Variants in LRRTM4 observed in about 807,000 individuals in gnomAD.
LRRTM4 encodes leucine rich repeat transmembrane neuronal 4.
LRRTM4 carries 25 observed loss-of-function variants against 47.6 expected under a neutral mutation model. The ratio of observed to expected loss-of-function variants is 0.53; its 90% CI spans 0.38 to 0.73. The LOEUF (loss-of-function observed/expected upper bound fraction) is 0.73, where lower values mean the gene tolerates loss of function less well. Among genes scored for constraint, LRRTM4 ranks in the 30% least tolerant of loss-of-function variants. The pLI, the probability that LRRTM4 is intolerant of heterozygous loss-of-function variation, is 0.00. For synonymous variants in LRRTM4, 311 were observed against 269.5 expected (o/e 1.15, Z -1.51); for missense variants, 638 against 713.4 (o/e 0.89, Z 1.20).
intron 3 of LRRTM4, among the ~76,000 whole-genome samples, chr2:77,324,195 T>C (rs1670665248): frequency 6.6e-6 from 1 of 152,140 alleles, no homozygotes; most frequent in African/African-American, 2.4e-5. Flanking sequence ...TTTGACTTTA[T>C]TGATATTTTT....
At chr2:77,342,713 T>G (rs928666848) in intron 3 of LRRTM4, among the ~76,000 whole-genome samples, 2 of 151,862 alleles carry the variant, frequency 1.3e-5, no homozygotes, top group Admixed American at 6.6e-5. Flanking sequence ...AGCTAGATGG[T>G]GTAGGTTGTT....
chr2:77,349,662 A>T (rs1199642478), intron 3 of LRRTM4, among the ~76,000 whole-genome samples: 1 of 152,120 alleles, frequency 6.6e-6, no homozygotes, highest in Non-Finnish European at 1.5e-5. Context: ...CATATGTTTT[A>T]TCAGACATTA....
chr2:77,219,153 G>A (rs1235194422), intron 3 of LRRTM4, among the ~76,000 whole-genome samples: 1 of 152,140 alleles, frequency 6.6e-6, no homozygotes, highest in Admixed American at 6.6e-5. Flanking sequence ...TGTTTAGCCT[G>A]ACATCTACTT....
chr2:77,228,581 A>G (rs376938996), intron 3 of LRRTM4, among the ~76,000 whole-genome samples: 117 of 152,284 alleles, frequency 7.7e-4, no homozygotes, highest in African/African-American at 2.5e-3. Context: ...AGTTTTCTAC[A>G]TTACACAGTT....
rs909225085 is a variant in LRRTM4, at chr2:76,833,786, ATT to A, written c.1552-84872_1552-84871del. On this transcript the variant is annotated intron_variant, in intron 3 of 3. Coordinates refer to ENST00000409884, the MANE Select transcript of LRRTM4 (RefSeq NM_001134745.3). ...ATTTTAAATTAGTAAAACTTAAAAT[ATT>A]TTTTCTTAGAGAAAATAGCAAAATA... Among the ~76,000 whole-genome samples, 643 of 151,806 alleles carry A rather than the reference ATT, an allele frequency of 4.2e-3. 5 individuals carry two copies. Among genetic ancestry groups the A allele is most frequent in the Non-Finnish European group, 5.4e-3 (365 of 67,884 alleles).
At chr2:77,337,587 C>T (rs1340412146) in intron 3 of LRRTM4, among the ~76,000 whole-genome samples, 1 of 151,958 alleles carries the variant, frequency 6.6e-6, no homozygotes, top group Non-Finnish European at 1.5e-5. Flanking sequence ...AAGGGCTCTT[C>T]CCCCTTAGCT....
intron 3 of LRRTM4, among the ~76,000 whole-genome samples, chr2:76,991,707 CA>C (rs1465178279): frequency 6.6e-6 from 1 of 151,626 alleles, no homozygotes. Context: ...ACCAGATGTA[CA>C]GAGAAGAGCT....
intron 3 of LRRTM4, among the ~76,000 whole-genome samples, chr2:77,138,782 A>T (rs142772608): frequency 6.6e-6 from 1 of 152,114 alleles, no homozygotes; most frequent in South Asian, 2.1e-4. Context: ...AAAAAATGAT[A>T]AAGGGGATAT....
intron 3 of LRRTM4, among the ~76,000 whole-genome samples, chr2:77,355,325 A>ATATTAT (rs1671928225): frequency 6.6e-6 from 1 of 152,138 alleles, no homozygotes; most frequent in Non-Finnish European, 1.5e-5. Flanking sequence ...TTAATAACTT[A>ATATTAT]AATTGGACAA....
At chr2:77,240,452 T>G (rs2028346) in intron 3 of LRRTM4, among the ~76,000 whole-genome samples, 104,301 of 151,776 alleles carry the variant, frequency 0.69, 36,489 homozygotes, top group African/African-American at 0.83. Context: ...TCTTCAAAAA[T>G]TGTTTCTTGC....
At chr2:76,816,176 T>C (rs1670890938) in intron 3 of LRRTM4, among the ~76,000 whole-genome samples, 1 of 152,096 alleles carries the variant, frequency 6.6e-6, no homozygotes, top group African/African-American at 2.4e-5. Flanking sequence ...GAAAGATTGT[T>C]TGTATGCAAA....
At chr2:76,830,305 C>G (rs1319812368) in intron 3 of LRRTM4, among the ~76,000 whole-genome samples, 3 of 151,990 alleles carry the variant, frequency 2.0e-5, no homozygotes, top group Non-Finnish European at 2.9e-5. Context: ...CTACTTTTAT[C>G]CTTAATAACT....
intron 3 of LRRTM4, among the ~76,000 whole-genome samples, chr2:76,807,385 T>C (rs1183658707): frequency 2.6e-5 from 2 of 75,840 alleles, no homozygotes; most frequent in Admixed American, 1.6e-4. Flanking sequence ...ATTCATTTTA[T>C]ATATATATAT....
intron 3 of LRRTM4, among the ~76,000 whole-genome samples, chr2:76,821,986 G>C (rs1392582781): frequency 1.3e-5 from 2 of 151,456 alleles, no homozygotes; most frequent in Non-Finnish European, 3.0e-5. Context: ...ATCTATGTTT[G>C]TTTTGGAAAA....
At chr2:77,058,411 C>G (rs1679677579) in intron 3 of LRRTM4, among the ~76,000 whole-genome samples, 1 of 152,080 alleles carries the variant, frequency 6.6e-6, no homozygotes, top group Non-Finnish European at 1.5e-5. Flanking sequence ...GAGAGGGCAG[C>G]TGTTACATAG....
At chr2:77,507,042 G>A (rs1678803414) in intron 3 of LRRTM4, among the ~76,000 whole-genome samples, 1 of 151,952 alleles carries the variant, frequency 6.6e-6, no homozygotes, top group Non-Finnish European at 1.5e-5. Context: ...CCTCTGCATA[G>A]TGGGGCTTGT....
chr2:77,296,045 T>C (rs1049887908), intron 3 of LRRTM4, among the ~76,000 whole-genome samples: 1 of 152,214 alleles, frequency 6.6e-6, no homozygotes, highest in Non-Finnish European at 1.5e-5. Flanking sequence ...TAGTTAATTC[T>C]TCGTATAAAT....
intron 3 of LRRTM4, among the ~76,000 whole-genome samples, chr2:77,479,732 C>A (rs1447871603): frequency 6.6e-6 from 1 of 151,402 alleles, no homozygotes; most frequent in Non-Finnish European, 1.5e-5. Flanking sequence ...TTCTCTCCAT[C>A]TCTCTCTTTC....
intron 3 of LRRTM4, among the ~76,000 whole-genome samples, chr2:76,860,851 C>A (rs1344693722): frequency 6.6e-6 from 1 of 151,486 alleles, no homozygotes; most frequent in Non-Finnish European, 1.5e-5. Context: ...GGTAATGAAT[C>A]CACATCAAGT....
Sources: gnomAD v4.1 joint callset for allele counts (sites outside exome capture counted in the v4.1 genomes callset) on GRCh38, gnomAD v4.1.1 for gene constraint, MANE v1.5 for transcripts, NCBI Gene and HGNC (gene_info 2026-07-23, HGNC 2026-07-21) for gene names.